LYRM4: variants seen among roughly 807,000 people sequenced by gnomAD.
LYRM4 encodes the protein LYR motif containing 4.
Under a neutral mutation model 11.7 loss-of-function variants are expected in LYRM4, and 9 were observed. That is an observed-to-expected ratio of 0.77 (90% CI 0.46 to 1.34). The LOEUF (loss-of-function observed/expected upper bound fraction) is 1.34, where lower values mean the gene tolerates loss of function less well. LYRM4 is among the 40% of genes most tolerant of loss of function. The probability of loss-of-function intolerance (pLI) is 0.00; values close to 1 mark genes in which losing one functional copy is unlikely to be tolerated. For missense variants in LYRM4, 133 were observed against 112.5 expected (o/e 1.18, Z -0.82); for synonymous variants, 42 against 40.4 (o/e 1.04, Z -0.15).
the LYRM4 span, among the ~76,000 whole-genome samples, chr6:5,059,561 G>T: frequency 1.3e-5 from 2 of 152,070 alleles, no homozygotes; most frequent in South Asian, 4.1e-4. Context: ...GAGGACTGTG[G>T]TCTGTCAACA....
At chr6:5,125,837 C>A (rs1420389510) in intron 2 of LYRM4, among the ~76,000 whole-genome samples, 2 of 152,314 alleles carry the variant, frequency 1.3e-5, no homozygotes, top group Middle Eastern at 3.4e-3. Context: ...ACTCAGCCTG[C>A]AGTAAGTGGC....
chr6:5,095,265 A>C, the LYRM4 span, among the ~76,000 whole-genome samples: 5 of 152,150 alleles, frequency 3.3e-5, no homozygotes, highest in Admixed American at 3.3e-4. Flanking sequence ...TTTGACCTAA[A>C]CCTGTTACAG....
intron 2 of LYRM4, chr6:5,136,048 AG>A (rs1380351878): frequency 1.3e-5 from 2 of 153,180 alleles, no homozygotes; most frequent in Non-Finnish European, 2.9e-5. Flanking sequence ...AATGTCGTCA[AG>A]GTTCACCCTT....
intron 2 of LYRM4, among the ~76,000 whole-genome samples, chr6:5,137,023 G>A (rs6901383): frequency 0.21 from 31,927 of 152,050 alleles, 3,560 homozygotes; most frequent in South Asian, 0.28. Flanking sequence ...CCTGGCAACC[G>A]CTAACCCACT....
intron 2 of LYRM4, among the ~76,000 whole-genome samples, chr6:5,123,062 C>A (rs1417265244): frequency 2.0e-5 from 3 of 152,192 alleles, no homozygotes; most frequent in Non-Finnish European, 4.4e-5. Context: ...ACCAACATAC[C>A]CAACTACCTG....
intron 2 of LYRM4, among the ~76,000 whole-genome samples, chr6:5,123,511 C>T (rs769666418): frequency 4.6e-5 from 7 of 152,174 alleles, no homozygotes; most frequent in Non-Finnish European, 8.8e-5. Flanking sequence ...GAAGGGGACC[C>T]TTGGCCGGGG....
intron 1 of LYRM4, among the ~76,000 whole-genome samples, chr6:5,245,282 C>A (rs1212110112): frequency 6.6e-6 from 1 of 150,616 alleles, no homozygotes. Flanking sequence ...GAAGGAAGGA[C>A]AAGGAAGTGA....
downstream of LYRM4, among the ~76,000 whole-genome samples, chr6:5,102,000 C>G (rs1762520576): frequency 2.2e-5 from 1 of 44,920 alleles, no homozygotes; most frequent in Non-Finnish European, 5.5e-5. Flanking sequence ...GTTATGTTGC[C>G]TAGGCTGGTC....
intron 2 of LYRM4, among the ~76,000 whole-genome samples, chr6:5,213,166 T>C (rs552916547): frequency 4.7e-4 from 71 of 152,354 alleles, no homozygotes; most frequent in African/African-American, 1.6e-3. Context: ...CTTCTGAGTT[T>C]GCTCTAAGGA....
At chr6:5,152,046 G>A (rs976032489) in intron 2 of LYRM4, among the ~76,000 whole-genome samples, 1 of 152,220 alleles carries the variant, frequency 6.6e-6, no homozygotes, top group Middle Eastern at 3.4e-3. Flanking sequence ...GGTGATTCAC[G>A]CATATTTGAT....
intron 1 of LYRM4, among the ~76,000 whole-genome samples, chr6:5,248,784 T>C (rs1006153348): frequency 6.6e-5 from 10 of 152,256 alleles, no homozygotes; most frequent in African/African-American, 2.4e-4. Context: ...TGTAGAAATT[T>C]CAGGGAATCT....
the LYRM4 span, among the ~76,000 whole-genome samples, chr6:5,048,290 G>GGTGTGT: frequency 0.22 from 31,085 of 139,826 alleles, 3,819 homozygotes; most frequent in Non-Finnish European, 0.28. Flanking sequence ...GACACTTTGT[G>GGTGTGT]GTGTGTGTGT....
chr6:5,187,676 C>T (rs1037169309), intron 2 of LYRM4, among the ~76,000 whole-genome samples: 4 of 152,090 alleles, frequency 2.6e-5, no homozygotes, highest in Admixed American at 6.5e-5. Context: ...ATGGGTGCAG[C>T]AAACCAACAC....
chr6:5,069,778 C>T, the LYRM4 span, among the ~76,000 whole-genome samples: 1 of 152,190 alleles, frequency 6.6e-6, no homozygotes, highest in Non-Finnish European at 1.5e-5. Flanking sequence ...CGTGCCCGGC[C>T]TACACTATGT....
At chr6:5,219,524 G>A (rs1332636737) in intron 1 of LYRM4, among the ~76,000 whole-genome samples, 1 of 152,082 alleles carries the variant, frequency 6.6e-6, no homozygotes, top group Non-Finnish European at 1.5e-5. Flanking sequence ...TATTTCACTG[G>A]CTCAGAACCA....
chr6:5,172,465 T>A (rs76842177), intron 2 of LYRM4, among the ~76,000 whole-genome samples: 2,005 of 152,202 alleles, frequency 0.013, 39 homozygotes, highest in African/African-American at 0.044. Flanking sequence ...GATGCTAGCG[T>A]CACTAAGCTG....
the LYRM4 span, among the ~76,000 whole-genome samples, chr6:5,059,186 A>T: frequency 1.3e-5 from 2 of 151,986 alleles, no homozygotes; most frequent in African/African-American, 4.8e-5. Context: ...ACAGAAAATT[A>T]AAAAATTAAC....
chr6:5,060,650 C>T, the LYRM4 span, among the ~76,000 whole-genome samples: 1 of 152,100 alleles, frequency 6.6e-6, no homozygotes, highest in Admixed American at 6.6e-5. Context: ...GTCTCAGCCT[C>T]CTGAGTAGCT....
chr6:5,216,791 T>A, intron 1 of LYRM4, 53 bp from the exon 2 acceptor site: 1 of 1,566,520 alleles, frequency 6.4e-7, no homozygotes, highest in Non-Finnish European at 8.6e-7. Context: ...TCTGAGGCTA[T>A]GCTTTCAAAT....
Sources: allele counts gnomAD v4.1 joint callset (sites outside exome capture counted in the v4.1 genomes callset), GRCh38; gene constraint gnomAD v4.1.1; transcripts MANE v1.5; gene names NCBI Gene and HGNC (gene_info 2026-07-23, HGNC 2026-07-21).